The following MAOB variants were observed in gnomAD, a reference collection of about 807,000 sequenced individuals.
MAOB encodes the protein monoamine oxidase B.
In MAOB, 15 loss-of-function variants were observed where a neutral mutation model predicts 41.9. The ratio of observed to expected loss-of-function variants is 0.36; its 90% CI spans 0.24 to 0.55. The LOEUF is 0.55. Ranked by LOEUF, MAOB falls within the 20% of genes least tolerant of loss-of-function variation. MAOB has a pLI of 0.86. For synonymous variants in MAOB, 167 were observed against 144.2 expected, an observed-to-expected ratio of 1.16 and a Z score of -1.13; for missense variants, 345 against 398.7, an observed-to-expected ratio of 0.87 and a Z score of 1.15.
chrX:43,839,641 G>A (rs1331176426), intron 2 of MAOB, among the ~76,000 whole-genome samples: 1 of 111,617 alleles, frequency 9.0e-6, no homozygotes, highest in Non-Finnish European at 1.9e-5. Flanking sequence ...TTCTGTTTTT[G>A]TTTATTTGCG....
At chrX:43,881,644 C>T (rs1450764658) in intron 1 of MAOB, among the ~76,000 whole-genome samples, 3 of 111,896 alleles carry the variant, frequency 2.7e-5, no homozygotes, top group Non-Finnish European at 1.9e-5. Context: ...GGCCACCCTG[C>T]GCTAGGAGTG....
intron 3 of MAOB, among the ~76,000 whole-genome samples, chrX:43,836,658 AAG>A (rs1339780456): frequency 1.8e-5 from 2 of 112,315 alleles, no homozygotes; most frequent in African/African-American, 3.2e-5. Flanking sequence ...TCTACGAACC[AAG>A]AGAGTATTTT....
chrX:43,845,202 T>G (rs566200945), intron 1 of MAOB, among the ~76,000 whole-genome samples: 1 of 111,580 alleles, frequency 9.0e-6, no homozygotes, highest in South Asian at 3.8e-4. Context: ...AATCTGGTGC[T>G]CTTCCCATGA....
At chrX:43,864,466 T>C (rs745421923) in intron 1 of MAOB, among the ~76,000 whole-genome samples, 10 of 111,879 alleles carry the variant, frequency 8.9e-5, no homozygotes, top group Non-Finnish European at 9.4e-5. Flanking sequence ...TTGCATTTCA[T>C]TCCTGGAAGC....
At chrX:43,855,268 G>A (rs951439352) in intron 1 of MAOB, among the ~76,000 whole-genome samples, 8 of 112,090 alleles carry the variant, frequency 7.1e-5, no homozygotes, top group Non-Finnish European at 1.5e-4. Flanking sequence ...CACAAGCCAA[G>A]CAGATTCTTC....
intron 3 of MAOB, among the ~76,000 whole-genome samples, chrX:43,816,070 T>C (rs931716858): frequency 1.6e-4 from 18 of 112,031 alleles, no homozygotes; most frequent in African/African-American, 5.8e-4. Context: ...ATAGCATGAT[T>C]GAATTTCACA....
At position 43,864,795 on chromosome X, in the gene MAOB, C is replaced by G. The variant is rs1312947131; in HGVS notation, c.46+17459G>C. On this transcript the variant is annotated intron_variant, in intron 1 of 14. Transcript: ENST00000378069. The stretch of plus-strand genomic sequence containing the variant: ...ATCTTACCTAAAGAAGCTGAACAGG[C>G]TAAGAGTTTTTCCCAAAGGATCTCT... Among the ~76,000 whole-genome samples the G allele has an allele frequency of 4.5e-5, 5 of 111,147 alleles. 1 individual carries two copies. The Admixed American group carries it at 4.8e-4, about 11-fold the overall frequency.
intron 8 of MAOB, among the ~76,000 whole-genome samples, chrX:43,793,128 T>G (rs1168632179): frequency 9.0e-6 from 1 of 111,679 alleles, no homozygotes; most frequent in East Asian, 2.8e-4. Context: ...GAGCTAAGCA[T>G]GGGGTACATA....
At chrX:43,837,780 C>G in intron 3 of MAOB, 1 of 314,675 alleles carries the variant, frequency 3.2e-6, no homozygotes, top group South Asian at 2.8e-5. Flanking sequence ...CTTCCACCCA[C>G]AGGAGCAAGT....
At chrX:43,795,276 T>A (rs2034513093) in intron 7 of MAOB, among the ~76,000 whole-genome samples, 1 of 111,803 alleles carries the variant, frequency 8.9e-6, no homozygotes, top group African/African-American at 3.3e-5. Context: ...TACTGTTTTA[T>A]TATAAAGGAT....
chrX:43,818,303 C>T (rs1323354246), intron 3 of MAOB, among the ~76,000 whole-genome samples: 2 of 112,271 alleles, frequency 1.8e-5, no homozygotes, highest in Non-Finnish European at 3.8e-5. Flanking sequence ...CACTTTTTGG[C>T]TATTATGAAT....
rs746828494 is a variant in MAOB, at chrX:43,775,285, G to A, written c.1138-13C>T. On this transcript the variant is annotated splice_polypyrimidine_tract_variant and intron_variant, in intron 11 of 14. Transcript: ENST00000378069. ...CATAATGCACTGGCTGCAAGATAGA[G>A]CAACAAAAACTTGAAGGAGACTCAG... is the stretch of plus-strand genomic sequence containing the variant. 29 of 1,197,732 alleles carry A rather than the reference G, an allele frequency of 2.4e-5. No individual in the cohort carries two copies. The South Asian group carries it at 5.0e-4, about 21-fold the overall frequency.
intron 3 of MAOB, among the ~76,000 whole-genome samples, chrX:43,837,230 C>G (rs1304655328): frequency 8.9e-6 from 1 of 112,479 alleles, no homozygotes; most frequent in Non-Finnish European, 1.9e-5. Context: ...AAGAACCCAA[C>G]AAAGGGTGTT....
chrX:43,829,466 C>A (rs982531346), intron 3 of MAOB, among the ~76,000 whole-genome samples: 1 of 112,327 alleles, frequency 8.9e-6, no homozygotes. Context: ...TGCGCAGTGT[C>A]TTTTAAGGTT....
intron 7 of MAOB, 89 bp from the exon 8 acceptor site, chrX:43,793,667 T>G: frequency 1.3e-6 from 1 of 783,657 alleles, no homozygotes; most frequent in Non-Finnish European, 1.8e-6. Flanking sequence ...CGTTATATTC[T>G]TTTCAGTCTC....
At chrX:43,787,355 G>C (rs953569545) in intron 8 of MAOB, among the ~76,000 whole-genome samples, 4 of 111,081 alleles carry the variant, frequency 3.6e-5, no homozygotes, top group Admixed American at 9.6e-5. Flanking sequence ...AAAATTAAAG[G>C]AAAAATAATA....
chrX:43,810,349 G>A (rs771806199), intron 3 of MAOB, among the ~76,000 whole-genome samples: 183 of 108,493 alleles, frequency 1.7e-3, no homozygotes, highest in African/African-American at 5.4e-3. Flanking sequence ...AACAAGATCC[G>A]CAAAATGTAA....
Position 43,796,389 on chromosome X carries a change from C to A in MAOB, c.619-501G>T, listed in dbSNP as rs756438965. 3.6e-5 allele frequency among the ~76,000 whole-genome samples: 4 copies of A among 111,463 alleles called. No individual in the cohort carries two copies. In the South Asian group the frequency reaches 1.5e-3, roughly 42 times the overall value. On this transcript the variant is annotated intron_variant, in intron 6 of 14. Coordinates refer to ENST00000378069, the MANE Select transcript of MAOB (RefSeq NM_000898.5). ...CATCTTATCCTGGGTCAGATGCCTG[C>A]TGCTTCTGTAGCCACCGAACTCATT...
chrX:43,813,106 G>T (rs1315000832), intron 3 of MAOB, among the ~76,000 whole-genome samples: 1 of 111,933 alleles, frequency 8.9e-6, no homozygotes, highest in Non-Finnish European at 1.9e-5. Context: ...ATTATATTTT[G>T]CCTAAGATCT....
Sources: gnomAD v4.1 joint callset for allele counts (sites outside exome capture counted in the v4.1 genomes callset) on GRCh38, gnomAD v4.1.1 for gene constraint, MANE v1.5 for transcripts, NCBI Gene and HGNC (gene_info 2026-07-23, HGNC 2026-07-21) for gene names.